The following HCN1 variants were observed in gnomAD, a reference collection of about 807,000 sequenced individuals.
The protein encoded by HCN1 is hyperpolarization activated cyclic nucleotide gated potassium channel 1, also known as potassium/sodium hyperpolarization-activated cyclic nucleotide-gated channel 1.
In HCN1, 13 loss-of-function variants were observed where a neutral mutation model predicts 78.9. The observed-to-expected ratio is 0.16, with a 90% CI of 0.11 to 0.26. HCN1 has a LOEUF of 0.26. Among genes scored for constraint, HCN1 ranks in the 10% least tolerant of loss-of-function variants. The probability of loss-of-function intolerance (pLI) is 1.00; values close to 1 mark genes in which losing one functional copy is unlikely to be tolerated. For synonymous variants in HCN1, 552 were observed against 455.5 expected (o/e 1.21, Z -2.70); for missense variants, 810 against 1,154.3 (o/e 0.70, Z 4.32).
chr5:45,497,714 C>T (rs1742076314), intron 2 of HCN1, among the ~76,000 whole-genome samples: 1 of 151,954 alleles, frequency 6.6e-6, no homozygotes, highest in African/African-American at 2.4e-5. Flanking sequence ...GAATTTGCAG[C>T]AGCTGGTACT....
At chr5:45,266,360 A>T (rs1744856289) in intron 7 of HCN1, among the ~76,000 whole-genome samples, 1 of 152,150 alleles carries the variant, frequency 6.6e-6, no homozygotes, top group African/African-American at 2.4e-5. Context: ...ATTAATTTAA[A>T]TGTGCAAATT....
chr5:45,664,052 C>G (rs1046259579), intron 1 of HCN1, among the ~76,000 whole-genome samples: 1 of 132,854 alleles, frequency 7.5e-6, no homozygotes, highest in Admixed American at 8.1e-5. Context: ...AGACTTGGAA[C>G]CAACCCAAAT....
chr5:45,268,675 C>T (rs1329781256), intron 6 of HCN1, among the ~76,000 whole-genome samples: 1 of 152,114 alleles, frequency 6.6e-6, no homozygotes, highest in Non-Finnish European at 1.5e-5. Flanking sequence ...GGAAATGTCA[C>T]CTAAACCATC....
rs546473285 is a variant in HCN1 at position 45,396,651 on chromosome 5, C to T, written c.1071G>A (p.Leu357=). 2 of 1,613,888 alleles carry T rather than the reference C, an allele frequency of 1.2e-6. No homozygotes were observed. Among genetic ancestry groups the T allele is most frequent in the South Asian group, 2.2e-5 (2 of 91,082 alleles). Residue 357 remains leucine (L), a synonymous_variant, in exon 4 of 8, where the codon CTG becomes CTA. Coordinates refer to ENST00000303230, the MANE Select transcript of HCN1 (RefSeq NM_021072.4). ...YALFKAMSHM[L]CIGYGAQAPV... is the part of the protein sequence containing the mutation. ...GGGCTTGGGCTCCATACCCAATGCA[C>T]AGCATGTGACTCATAGCTTTGAAGA...
chr5:45,525,375 T>C (rs906535982), intron 2 of HCN1, among the ~76,000 whole-genome samples: 3 of 151,974 alleles, frequency 2.0e-5, no homozygotes, highest in African/African-American at 7.2e-5. Context: ...AAATTATCTT[T>C]GTCTGCAATG....
At chr5:45,648,080 G>A (rs1019023692) in intron 1 of HCN1, among the ~76,000 whole-genome samples, 5 of 152,134 alleles carry the variant, frequency 3.3e-5, no homozygotes, top group Non-Finnish European at 5.9e-5. Context: ...GACGATATAT[G>A]CTAATCCCAG....
intron 2 of HCN1, among the ~76,000 whole-genome samples, chr5:45,594,390 G>T (rs916611469): frequency 6.6e-6 from 1 of 152,088 alleles, no homozygotes; most frequent in African/African-American, 2.4e-5. Context: ...TACCCACTGA[G>T]GCTTTCCCAA....
chr5:45,280,684 C>A lies in HCN1; in HGVS notation c.1619-13431G>T, dbSNP rs1302189568. On this transcript the variant is annotated intron_variant, in intron 6 of 7. Coordinates refer to ENST00000303230, the MANE Select transcript of HCN1 (RefSeq NM_021072.4). ...ATCCAAGGTGCCAAACATGCTCATG[C>A]TTTGTGTCTTTGTACAACTTTTGGA... is the stretch of plus-strand genomic sequence containing the variant. 2.0e-5 allele frequency among the ~76,000 whole-genome samples: 3 copies of A among 152,242 alleles called. No homozygotes were observed. In the East Asian group the frequency reaches 5.8e-4, roughly 29 times the overall value.
chr5:45,456,917 C>G (rs1741039235), intron 3 of HCN1, among the ~76,000 whole-genome samples: 1 of 151,914 alleles, frequency 6.6e-6, no homozygotes, highest in Non-Finnish European at 1.5e-5. Flanking sequence ...TGCTCAAAAA[C>G]CAGAATTATT....
intron 3 of HCN1, among the ~76,000 whole-genome samples, chr5:45,458,565 A>G (rs940593396): frequency 2.6e-5 from 4 of 152,080 alleles, no homozygotes; most frequent in African/African-American, 4.8e-5. Flanking sequence ...GGGATTTTCT[A>G]CTGCAGTTGG....
At chr5:45,347,071 G>T (rs1746735944) in intron 5 of HCN1, among the ~76,000 whole-genome samples, 1 of 152,202 alleles carries the variant, frequency 6.6e-6, no homozygotes, top group Admixed American at 6.5e-5. Context: ...CCCCAAGTGG[G>T]TCCCTGACCC....
chr5:45,306,421 C>A (rs1745735623), intron 5 of HCN1, among the ~76,000 whole-genome samples: 1 of 152,004 alleles, frequency 6.6e-6, no homozygotes, highest in Non-Finnish European at 1.5e-5. Context: ...TTTATTATAA[C>A]ACTACTGGAA....
intron 4 of HCN1, among the ~76,000 whole-genome samples, chr5:45,378,570 C>G (rs1053596204): frequency 6.6e-6 from 1 of 152,042 alleles, no homozygotes; most frequent in South Asian, 2.1e-4. Flanking sequence ...TCTATCCATT[C>G]ATTGATTAAT....
intron 5 of HCN1, among the ~76,000 whole-genome samples, chr5:45,310,841 G>T (rs908353502): frequency 6.6e-6 from 1 of 152,094 alleles, no homozygotes; most frequent in Non-Finnish European, 1.5e-5. Flanking sequence ...CCATAAAAAA[G>T]AATGAGATCA....
At chr5:45,501,057 A>G (rs1742176929) in intron 2 of HCN1, among the ~76,000 whole-genome samples, 1 of 152,158 alleles carries the variant, frequency 6.6e-6, no homozygotes. Context: ...ATGAATGACT[A>G]GTAACATTAT....
chr5:45,280,559 TAGCAAA>T lies in HCN1; in HGVS notation c.1619-13312_1619-13307del, dbSNP rs1745136452. Among the ~76,000 whole-genome samples the T allele has an allele frequency of 1.3e-5, 2 of 152,132 alleles. 1 individual carries two copies. The highest frequency in any genetic ancestry group is 4.1e-4 in the South Asian group (2 of 4,830). ...CTGGCCTCAATCTACTGGAAGCCAA[TAGCAAA>T]CTCCTCACACTGAAAGTACCACAAT... On this transcript the variant is annotated intron_variant, in intron 6 of 7. Transcript: ENST00000303230.
intron 3 of HCN1, among the ~76,000 whole-genome samples, chr5:45,405,816 G>C (rs1401223595): frequency 2.0e-5 from 3 of 152,136 alleles, no homozygotes; most frequent in African/African-American, 4.8e-5. Context: ...GTAAAATATA[G>C]AAGTATTGCA....
intron 1 of HCN1, among the ~76,000 whole-genome samples, chr5:45,672,981 C>T (rs1032455658): frequency 1.3e-5 from 2 of 151,418 alleles, no homozygotes; most frequent in South Asian, 4.1e-4. Context: ...ACTTTATTCA[C>T]ATGTTTGTAC....
At chr5:45,318,140 C>A (rs1409407998) in intron 5 of HCN1, among the ~76,000 whole-genome samples, 1 of 152,000 alleles carries the variant, frequency 6.6e-6, no homozygotes, top group Non-Finnish European at 1.5e-5. Context: ...TCACTATTCA[C>A]AATAGCAAAG....
Sources: allele counts gnomAD v4.1 joint callset (sites outside exome capture counted in the v4.1 genomes callset), GRCh38; gene constraint gnomAD v4.1.1; transcripts MANE v1.5; gene names NCBI Gene and HGNC (gene_info 2026-07-23, HGNC 2026-07-21).